NOPCHAP1: variants seen among roughly 807,000 people sequenced by gnomAD.
NOPCHAP1 encodes DNA damage-sensitive RNA 1.
A neutral mutation model predicts 14.0 loss-of-function variants in NOPCHAP1; 13 were observed. The ratio of observed to expected loss-of-function variants is 0.93; its 90% confidence interval spans 0.60 to 1.47. NOPCHAP1 has a LOEUF of 1.47. Ranked by LOEUF, NOPCHAP1 falls within the 40% of genes most tolerant of loss-of-function variation. The pLI is 0.00. For missense variants in NOPCHAP1, 230 were observed against 226.9 expected, an observed-to-expected ratio of 1.01 and a Z score of -0.09; for synonymous variants, 78 against 78.4, an observed-to-expected ratio of 1.00 and a Z score of 0.03.
At chr12:104,994,109 G>A (rs1444012155) in intron 3 of NOPCHAP1, among the ~76,000 whole-genome samples, 1 of 152,112 alleles carries the variant, frequency 6.6e-6, no homozygotes, top group Non-Finnish European at 1.5e-5. Context: ...CTTTGGGAGG[G>A]CAAGGTGGGT....
rs1377208803 is a variant in NOPCHAP1, at chr12:105,013,339, TC to T, written c.*18644del. The T allele has an allele frequency of 6.6e-6, 1 of 152,258 alleles. No homozygotes were observed. Among genetic ancestry groups the T allele is most frequent in the African/African-American group, 2.4e-5 (1 of 41,460 alleles). 9.4% of individuals were successfully genotyped at this position (152,258 alleles called of 1,614,324 possible). A position where few individuals can be genotyped will look rare whatever the true frequency, so the allele number is the denominator to read the frequency against. On this transcript the variant is annotated 3_prime_UTR_variant, in exon 4 of 4. Coordinates refer to ENST00000552951, the MANE Select transcript of NOPCHAP1 (RefSeq NM_152318.3). ...GTGGACACCCCTTTTCCCACCAAGCTCAAGTGTCCCACGTTGACTTCAGACT... is the reference window on the plus strand; with the variant it reads ...GTGGACACCCCTTTTCCCACCAAGCTAAGTGTCCCACGTTGACTTCAGACT...
chr12:105,003,173 C>G lies in NOPCHAP1; in HGVS notation c.*8477C>G, dbSNP rs1229101619. 4 of 152,152 alleles carry G rather than the reference C, an allele frequency of 2.6e-5. No individual in the cohort carries two copies. The highest frequency in any genetic ancestry group is 5.9e-5 in the Non-Finnish European group (4 of 68,028). The allele number at this position is 152,152 out of a possible 1,614,324, so 9.4% of individuals were successfully genotyped here. On this transcript the variant is annotated 3_prime_UTR_variant, in exon 4 of 4. Transcript: ENST00000552951. ...GCTTATGAAGCATTTTGGATTCTTT[C>G]TTTTGTAGTGTGCCTTGCAAGTGAA... is the stretch of plus-strand genomic sequence containing the variant.
At chr12:104,990,132 T>C (rs1873339863) in intron 2 of NOPCHAP1, among the ~76,000 whole-genome samples, 1 of 152,232 alleles carries the variant, frequency 6.6e-6, no homozygotes, top group South Asian at 2.1e-4. Flanking sequence ...GCTAATTTTT[T>C]ATTAGATGTT....
At position 104,992,770 on chromosome 12, in the gene NOPCHAP1, G is replaced by A. The variant is rs554389056; in HGVS notation, c.339+922G>A. On this transcript the variant is annotated intron_variant, in intron 3 of 3. Transcript: ENST00000552951. Reference sequence around the variant, plus strand: ...GTGAACCCTATTATGAACTGTGCATGTAAGGGATCCAGGTTGTTGTGCGCT... The same window carrying A: ...GTGAACCCTATTATGAACTGTGCATATAAGGGATCCAGGTTGTTGTGCGCT... Among the ~76,000 whole-genome samples, 161 of 152,312 alleles carry A rather than the reference G, an allele frequency of 1.1e-3. 1 individual carries two copies. The highest frequency in any genetic ancestry group is 6.8e-4 in the Non-Finnish European group (46 of 68,040).
chr12:104,987,495 G>A lies in NOPCHAP1; in HGVS notation c.116-672G>A, dbSNP rs78891569. On this transcript the variant is annotated intron_variant, in intron 1 of 3. Coordinates refer to ENST00000552951, the MANE Select transcript of NOPCHAP1 (RefSeq NM_152318.3). The stretch of plus-strand genomic sequence containing the variant: ...TTCAATGGATGTTTGTTGCGGCTCT[G>A]CTTTGCAGGTGAACAGGATTTGTTT... Among the ~76,000 whole-genome samples the A allele has an allele frequency of 7.2e-5, 11 of 152,330 alleles. No homozygotes were observed. The East Asian group carries it at 2.1e-3, about 29-fold the overall frequency.
In NOPCHAP1 at chr12:105,004,383, A is replaced by G. The variant is rs1873667454; in HGVS notation, c.*9687A>G. 1 of 152,124 alleles carries G rather than the reference A, an allele frequency of 6.6e-6. No homozygotes were observed. The highest frequency in any genetic ancestry group is 6.5e-5 in the Admixed American group (1 of 15,276). The allele number at this position is 152,124 out of a possible 1,614,324, so 9.4% of individuals were successfully genotyped here. A position where few individuals can be genotyped will look rare whatever the true frequency, so the allele number is the denominator to read the frequency against. ...CAGGAGTTTGAGACCTGCCTGGCCA[A>G]CGTGAATCCCCGTCTCTACTAAAAA... is the stretch of plus-strand genomic sequence containing the variant. On this transcript the variant is annotated 3_prime_UTR_variant, in exon 4 of 4. Transcript: ENST00000552951.
In NOPCHAP1 at chr12:104,995,087, G is replaced by A. The variant is rs1238065674; in HGVS notation, c.*391G>A. On this transcript the variant is annotated 3_prime_UTR_variant, in exon 4 of 4. Transcript: ENST00000552951. The stretch of plus-strand genomic sequence containing the variant: ...GATCTAAGGCTGCCTTGTCCGATGG[G>A]CTGAGGCTTGGCTGTTTGTGATTGG... 4.6e-6 allele frequency: 1 copy of A among 217,802 alleles called. No individual in the cohort carries two copies. The highest frequency in any genetic ancestry group is 1.7e-4 in the East Asian group (1 of 6,034). The allele number at this position is 217,802 out of a possible 1,614,324, so 13.5% of individuals were successfully genotyped here.
At position 105,011,111 on chromosome 12, in the gene NOPCHAP1, A is replaced by G. The variant is rs569177504; in HGVS notation, c.*16415A>G. ...TCCCACTATTATTGTGTGGGAGTCT[A>G]AGTCTCTTTGTAGGTCTCTAAGAAC... On this transcript the variant is annotated 3_prime_UTR_variant, in exon 4 of 4. Coordinates refer to ENST00000552951, the MANE Select transcript of NOPCHAP1 (RefSeq NM_152318.3). 4.6e-5 allele frequency: 7 copies of G among 152,322 alleles called. No individual in the cohort carries two copies. The East Asian group carries it at 1.2e-3, about 25-fold the overall frequency. 9.4% of individuals were successfully genotyped at this position (152,322 alleles called of 1,614,324 possible).
In NOPCHAP1 at chr12:105,006,371, C is replaced by T. The variant is rs537315760; in HGVS notation, c.*11675C>T. ...TTAAAGGTCTTCATGATCCCCTGAC[C>T]CTAGAGGCTGAATTAGAAGCCTTCT... On this transcript the variant is annotated 3_prime_UTR_variant, in exon 4 of 4. Transcript: ENST00000552951. 6.6e-6 allele frequency: 1 copy of T among 152,274 alleles called. No homozygotes were observed. The highest frequency in any genetic ancestry group is 2.4e-5 in the African/African-American group (1 of 41,540). 9.4% of individuals were successfully genotyped at this position (152,274 alleles called of 1,614,324 possible). A position where few individuals can be genotyped will look rare whatever the true frequency, so the allele number is the denominator to read the frequency against.
chr12:104,987,447 CAGTAGGCCTTAAGT>C (rs1177765806), intron 1 of NOPCHAP1, among the ~76,000 whole-genome samples: 2 of 152,176 alleles, frequency 1.3e-5, no homozygotes, highest in Non-Finnish European at 2.9e-5. Flanking sequence ...ATCACGAATC[CAGTAGGCCTTAAGT>C]AGTAGGCATT....
Position 105,006,282 on chromosome 12 carries a change from T to G in NOPCHAP1, c.*11586T>G, listed in dbSNP as rs144377051. On this transcript the variant is annotated 3_prime_UTR_variant, in exon 4 of 4. Coordinates refer to ENST00000552951, the MANE Select transcript of NOPCHAP1 (RefSeq NM_152318.3). ...TAATCATTCTAGAATTTCATGATGT[T>G]CTATCAGTGTTCTCTTGCATAGCTT... The G allele has an allele frequency of 1.8e-4, 28 of 152,338 alleles. No individual in the cohort carries two copies. Among genetic ancestry groups the G allele is most frequent in the African/African-American group, 6.5e-4 (27 of 41,566 alleles). The allele number at this position is 152,338 out of a possible 1,614,324, so 9.4% of individuals were successfully genotyped here.
At chr12:104,993,631 T>C (rs1386037345) in intron 3 of NOPCHAP1, among the ~76,000 whole-genome samples, 1 of 152,224 alleles carries the variant, frequency 6.6e-6, no homozygotes, top group Non-Finnish European at 1.5e-5. Flanking sequence ...CGTCACTGTG[T>C]ATGGGTGCTG....
rs953364803 is a variant in NOPCHAP1, at chr12:105,005,670, G to A, written c.*10974G>A. 9.2e-5 allele frequency: 14 copies of A among 152,192 alleles called. No homozygotes were observed. Among genetic ancestry groups the A allele is most frequent in the African/African-American group, 3.4e-4 (14 of 41,438 alleles). 9.4% of individuals were successfully genotyped at this position (152,192 alleles called of 1,614,324 possible). A position where few individuals can be genotyped will look rare whatever the true frequency, so the allele number is the denominator to read the frequency against. ...AGCCTCTGATCCTTTTGTTACTTGG[G>A]CGTGGAAAGTTGGGGTTTTCCTTTT... On this transcript the variant is annotated 3_prime_UTR_variant, in exon 4 of 4. Transcript: ENST00000552951.
rs990850764 is a variant in NOPCHAP1, at chr12:104,998,297, T to C, written c.*3601T>C. The C allele has an allele frequency of 1.3e-5, 2 of 152,264 alleles. No individual in the cohort carries two copies. 9.4% of individuals were successfully genotyped at this position (152,264 alleles called of 1,614,324 possible). A position where few individuals can be genotyped will look rare whatever the true frequency, so the allele number is the denominator to read the frequency against. ...TGCTTTTGTCAGTTTTTGCACTGAT[T>C]CTTTTTTATCTTTGTGGGCTCATGT... On this transcript the variant is annotated 3_prime_UTR_variant, in exon 4 of 4. Coordinates refer to ENST00000552951, the MANE Select transcript of NOPCHAP1 (RefSeq NM_152318.3).
chr12:104,995,911 A>G lies in NOPCHAP1; in HGVS notation c.*1215A>G, dbSNP rs573962075. 4 of 151,708 alleles carry G rather than the reference A, an allele frequency of 2.6e-5. No homozygotes were observed. The highest frequency in any genetic ancestry group is 5.9e-5 in the Non-Finnish European group (4 of 67,998). The allele number at this position is 151,708 out of a possible 1,614,324, so 9.4% of individuals were successfully genotyped here. A position where few individuals can be genotyped will look rare whatever the true frequency, so the allele number is the denominator to read the frequency against. On this transcript the variant is annotated 3_prime_UTR_variant, in exon 4 of 4. Transcript: ENST00000552951. Reference sequence around the variant, plus strand: ...CACCGTGTTAGCCAGGATGGTCTCAATCTCCTGACCTCGTGTTCCACCCTT... The same window carrying G: ...CACCGTGTTAGCCAGGATGGTCTCAGTCTCCTGACCTCGTGTTCCACCCTT...
rs771493136 is a variant in NOPCHAP1, at chr12:105,008,055, A to G, written c.*13359A>G. ...TGGGTTAAATGGTATTTCTAGTTCT[A>G]GATCCTTGAGGAATTGCCACACTGT... On this transcript the variant is annotated 3_prime_UTR_variant, in exon 4 of 4. Transcript: ENST00000552951. 2 of 152,228 alleles carry G rather than the reference A, an allele frequency of 1.3e-5. No homozygotes were observed. The highest frequency in any genetic ancestry group is 2.4e-5 in the African/African-American group (1 of 41,442). 9.4% of individuals were successfully genotyped at this position (152,228 alleles called of 1,614,324 possible).
intron 2 of NOPCHAP1, among the ~76,000 whole-genome samples, chr12:104,990,027 T>C (rs949685389): frequency 6.6e-6 from 1 of 152,254 alleles, no homozygotes; most frequent in Non-Finnish European, 1.5e-5. Flanking sequence ...AGAGCTGTTT[T>C]AACATTCTTA....
chr12:104,986,864 T>C (rs1565937729), intron 1 of NOPCHAP1, among the ~76,000 whole-genome samples: 1 of 152,174 alleles, frequency 6.6e-6, no homozygotes, highest in Admixed American at 6.5e-5. Context: ...AATATTATGC[T>C]AACAGTCCCT....
rs1873672960 is a variant in NOPCHAP1, at chr12:105,004,756, AGTTAGGGTG to A, written c.*10061_*10069del. 6.6e-6 allele frequency: 1 copy of A among 152,178 alleles called. No homozygotes were observed. Among genetic ancestry groups the A allele is most frequent in the Non-Finnish European group, 1.5e-5 (1 of 68,038 alleles). The allele number at this position is 152,178 out of a possible 1,614,324, so 9.4% of individuals were successfully genotyped here. A position where few individuals can be genotyped will look rare whatever the true frequency, so the allele number is the denominator to read the frequency against. ...ACAGTTGATCCTTGAACAATGCAGG[AGTTAGGGTG>A]CTGACCCCCTTTGTGGTCAAAAATC... On this transcript the variant is annotated 3_prime_UTR_variant, in exon 4 of 4. Transcript: ENST00000552951.
Sources: gnomAD v4.1 joint callset for allele counts (sites outside exome capture counted in the v4.1 genomes callset) on GRCh38, gnomAD v4.1.1 for gene constraint, MANE v1.5 for transcripts, NCBI Gene and HGNC (gene_info 2026-07-23, HGNC 2026-07-21) for gene names.